The following PARP10 variants were observed in gnomAD, a reference collection of about 807,000 sequenced individuals.
The protein encoded by PARP10 is poly(ADP-ribose) polymerase family member 10, also known as protein mono-ADP-ribosyltransferase PARP10.
PARP10 carries 56 observed loss-of-function variants against 82.4 expected under a neutral mutation model. The ratio of observed to expected loss-of-function variants is 0.68; its 90% CI spans 0.55 to 0.85. The LOEUF (loss-of-function observed/expected upper bound fraction) is 0.85. Among genes scored for constraint, PARP10 ranks in the 40% least tolerant of loss-of-function variants. The pLI is 0.00. For synonymous variants in PARP10, 576 were observed against 601.1 expected (o/e 0.96, Z 0.61); for missense variants, 1,227 against 1,379.4 (o/e 0.89, Z 1.75).
chr8:143,983,563 C>A lies in PARP10; in HGVS notation c.2026G>T (p.Ala676Ser), dbSNP rs1554748309. ...PQGQVAEQEE[A>S]AALRQALTLS... ...GTTAGGGCTTGCCGCAGGGCAGCAG[C>A]CTCCTCCTGCTCAGCCACCTGACCT... The change falls in exon 8 of 11, where the codon GCT becomes TCT. Residue 676 changes from alanine to serine, a missense_variant. Physicochemically the swap from Ala to Ser is moderately conservative, Grantham distance 99 (BLOSUM62 1). Transcript: ENST00000313028. 6.2e-7 allele frequency: 1 copy of A among 1,606,322 alleles called. No homozygotes were observed. Among genetic ancestry groups the A allele is most frequent in the East Asian group, 2.2e-5 (1 of 44,652 alleles).
exon 1 of PARP10, chr8:144,012,740 C>A (rs1008330079): frequency 7.7e-6 from 12 of 1,551,500 alleles, no homozygotes; most frequent in Non-Finnish European, 9.6e-6. Flanking sequence ...AGAGGCCTCG[C>A]TCCCAAGAGA....
intron 9 of PARP10, among the ~76,000 whole-genome samples, chr8:143,981,357 G>A (rs1833851109): frequency 7.5e-6 from 1 of 134,218 alleles, no homozygotes; most frequent in African/African-American, 2.9e-5. Flanking sequence ...TGATGGTGAT[G>A]ATGGTGGTGA....
At chr8:143,997,766 T>A (rs1372791549) in intron 1 of PARP10, among the ~76,000 whole-genome samples, 1 of 151,650 alleles carries the variant, frequency 6.6e-6, no homozygotes, top group Non-Finnish European at 1.5e-5. Flanking sequence ...TCTTAACACA[T>A]AAAATTTGCT....
In PARP10 at chr8:143,985,793, G is replaced by A. The variant is rs558448832; in HGVS notation, c.364C>T (p.Pro122Ser). 2 of 1,612,326 alleles carry A rather than the reference G, an allele frequency of 1.2e-6. No individual in the cohort carries two copies. Among genetic ancestry groups the A allele is most frequent in the African/African-American group, 2.7e-5 (2 of 75,046 alleles). Residue 122 changes from proline to serine, a missense_variant, in exon 3 of 11, where the codon CCT becomes TCT. Coordinates refer to ENST00000313028, the MANE Select transcript of PARP10 (RefSeq NM_032789.5). Reference protein sequence around the residue: ...LLRASGLPVQPCCALASPRPD... With the variant: ...LLRASGLPVQSCCALASPRPD... The stretch of plus-strand genomic sequence containing the variant: ...CGGGGGCTGGCCAAGGCACAGCAAG[G>A]CTGTACTGGGAGCCCCGAGGCCCGC...
intron 1 of PARP10, among the ~76,000 whole-genome samples, chr8:143,998,233 C>A (rs1554751434): frequency 6.6e-6 from 1 of 152,186 alleles, no homozygotes; most frequent in Non-Finnish European, 1.5e-5. Context: ...GACAGGGATT[C>A]TCATTCAGGA....
chr8:143,994,597 C>G (rs577056551), upstream of PARP10, among the ~76,000 whole-genome samples: 3 of 152,232 alleles, frequency 2.0e-5, no homozygotes, highest in Admixed American at 6.5e-5. Context: ...CCTGCACAAC[C>G]TGAGTCACGA....
At chr8:144,009,344 A>G (rs1834256522) in intron 1 of PARP10, among the ~76,000 whole-genome samples, 1 of 152,106 alleles carries the variant, frequency 6.6e-6, no homozygotes, top group South Asian at 2.1e-4. Context: ...CTCACTAGAT[A>G]CCACCGCTGC....
chr8:143,991,956 G>T (rs79921712), upstream of PARP10: 3 of 1,613,670 alleles, frequency 1.9e-6, no homozygotes, highest in African/African-American at 4.0e-5. Context: ...GGAGGTGAAG[G>T]GCTTTGTCCG....
Position 143,985,178 on chromosome 8 carries a change from T to G in PARP10, c.824A>C (p.His275Pro). ...PSTQGPRATK[H>P]ALLRTGGLVT... The stretch of plus-strand genomic sequence containing the variant: ...CAACCCTCCGGTCCTCAGGAGAGCA[T>G]GCTTGGTAGCCCTAGGCCCCTGGGT... Residue 275 changes from histidine to proline, a missense_variant, in exon 5 of 11, where the codon CAT becomes CCT. Physicochemically the swap from His to Pro is moderately conservative, Grantham distance 77 (BLOSUM62 -2). Transcript: ENST00000313028. 6.2e-7 allele frequency: 1 copy of G among 1,614,134 alleles called. No individual in the cohort carries two copies. Among genetic ancestry groups the G allele is most frequent in the Non-Finnish European group, 8.5e-7 (1 of 1,180,006 alleles).
chr8:143,984,654 T>C lies in PARP10; in HGVS notation c.1348A>G (p.Met450Val), dbSNP rs782247570. The C allele has an allele frequency of 6.2e-7, 1 of 1,613,886 alleles. No homozygotes were observed. Among genetic ancestry groups the C allele is most frequent in the Non-Finnish European group, 8.5e-7 (1 of 1,179,966 alleles). The change falls in exon 5 of 11, where the codon ATG becomes GTG. Residue 450 changes from methionine (M) to valine (V), a missense_variant. By Grantham distance (21) the Met-to-Val change is conservative (BLOSUM62 1). Coordinates refer to ENST00000313028, the MANE Select transcript of PARP10 (RefSeq NM_032789.5). ...QEGLVEMVLL[M>V]EPGAMRFLQL... ...AGGAAGCGCATCGCCCCTGGCTCCA[T>C]CAATAGCACCATCTCCACCAGGCCC...
upstream of PARP10, among the ~76,000 whole-genome samples, chr8:143,989,297 G>T (rs1834050366): frequency 6.6e-6 from 1 of 152,214 alleles, no homozygotes; most frequent in Non-Finnish European, 1.5e-5. This position sits in a 1 kb window ranked among gnomAD's most constrained non-coding sequence, Gnocchi z 4.3. Flanking sequence ...CTCCAGTCCT[G>T]CTGCATCCCC....
upstream of PARP10, chr8:143,991,435 A>C (rs1305856377): frequency 4.8e-6 from 7 of 1,446,860 alleles, no homozygotes; most frequent in African/African-American, 8.7e-5. Flanking sequence ...GGCTACCCAC[A>C]GGGTCCCTAC....
upstream of PARP10, among the ~76,000 whole-genome samples, chr8:143,987,460 C>T (rs185984715): frequency 9.2e-5 from 14 of 152,352 alleles, no homozygotes; most frequent in East Asian, 5.8e-4. Flanking sequence ...CAGCATCTCT[C>T]GCTAGGTAGC....
intron 1 of PARP10, among the ~76,000 whole-genome samples, chr8:144,003,533 C>T (rs1374430967): frequency 6.6e-6 from 1 of 151,904 alleles, no homozygotes; most frequent in Non-Finnish European, 1.5e-5. Flanking sequence ...AGGACTGGGA[C>T]CCGGAGACAG....
chr8:143,995,194 AGGT>A (rs1416140851), upstream of PARP10, among the ~76,000 whole-genome samples: 1 of 152,190 alleles, frequency 6.6e-6, no homozygotes, highest in Non-Finnish European at 1.5e-5. Flanking sequence ...CCTATCCTGC[AGGT>A]GAAGGGCACT....
intron 5 of PARP10, 37 bp downstream of exon 5, chr8:143,984,507 G>C (rs782414038): frequency 3.1e-6 from 5 of 1,590,784 alleles, no homozygotes; most frequent in Non-Finnish European, 3.4e-6. Flanking sequence ...AGTAGGAGGA[G>C]GGGGCTGAAG....
At chr8:143,988,341 G>C (rs1273836924), upstream of PARP10, among the ~76,000 whole-genome samples, 1 of 138,594 alleles carries the variant, frequency 7.2e-6, no homozygotes, top group African/African-American at 2.8e-5. Flanking sequence ...GCAGAGACAG[G>C]GTTTCACCCT....
chr8:143,980,190 G>C (rs1833814750), intron 9 of PARP10, among the ~76,000 whole-genome samples: 1 of 150,796 alleles, frequency 6.6e-6, no homozygotes, highest in African/African-American at 2.4e-5. Context: ...CGTGGTGGCA[G>C]GCGCCTGTAG....
In PARP10 at chr8:143,978,231, C is replaced by T. The variant is rs2133029272; in HGVS notation, c.2557-150G>A. ...GCAGCCCCCATCATGCTCTGTCCAG[C>T]AGCAGACAGTAACACCTCCGTGAAG... On this transcript the variant is annotated intron_variant, in intron 9 of 10. Coordinates refer to ENST00000313028, the MANE Select transcript of PARP10 (RefSeq NM_032789.5). 4 of 915,292 alleles carry T rather than the reference C, an allele frequency of 4.4e-6. No homozygotes were observed. The East Asian group carries it at 1.2e-4, about 27-fold the overall frequency. 56.7% of individuals were successfully genotyped at this position (915,292 alleles called of 1,614,324 possible).
Sources: gnomAD v4.1 joint callset for allele counts (sites outside exome capture counted in the v4.1 genomes callset) on GRCh38, gnomAD v4.1.1 for gene constraint, Gnocchi (gnomAD v3.1) non-coding constraint, MANE v1.5 for transcripts, NCBI Gene and HGNC (gene_info 2026-07-23, HGNC 2026-07-21) for gene names.